CHD1L: variants seen among roughly 807,000 people sequenced by gnomAD.
CHD1L encodes the protein chromodomain helicase DNA binding protein 1 like, also known as ATP-dependent chromatin remodeler CHD1L.
Under a neutral mutation model 115.9 loss-of-function variants are expected in CHD1L, and 118 were observed. The ratio of observed to expected loss-of-function variants is 1.02; its 90% CI spans 0.88 to 1.19. The LOEUF is 1.19. CHD1L is among the 50% of genes most tolerant of loss of function. CHD1L has a pLI of 0.00. For missense variants in CHD1L, 1,179 were observed against 1,065.3 expected, an observed-to-expected ratio of 1.11 and a Z score of -1.49; for synonymous variants, 411 against 387.1, an observed-to-expected ratio of 1.06 and a Z score of -0.72.
the CHD1L span, among the ~76,000 whole-genome samples, chr1:147,220,944 C>CA: frequency 0.64 from 87,274 of 137,172 alleles, 27,348 homozygotes; most frequent in East Asian, 0.71. Flanking sequence ...TTTAAGTTTC[C>CA]AAAAAAAAAA....
At chr1:147,292,192 A>G (rs1054448950) in intron 20 of CHD1L, among the ~76,000 whole-genome samples, 6 of 152,186 alleles carry the variant, frequency 3.9e-5, no homozygotes, top group Non-Finnish European at 8.8e-5. Context: ...CTCCATAAAC[A>G]TTTACTGCAT....
chr1:147,223,696 A>G, the CHD1L span: 1 of 192,030 alleles, frequency 5.2e-6, no homozygotes, highest in East Asian at 1.5e-4. Context: ...TACAGCCCCA[A>G]AGAGACCTCA....
chr1:147,244,681 G>T (rs1202367374), intron 1 of CHD1L, among the ~76,000 whole-genome samples: 1 of 150,884 alleles, frequency 6.6e-6, no homozygotes, highest in Non-Finnish European at 1.5e-5. Context: ...ATTTTTTTGG[G>T]AAATCATAAC....
At chr1:147,286,207 A>G (rs1683063939) in intron 17 of CHD1L, 91 bp from the exon 18 acceptor site, 2 of 1,216,868 alleles carry the variant, frequency 1.6e-6, no homozygotes, top group Admixed American at 2.3e-5. Context: ...TCTACTTGGC[A>G]GATATTGTTT....
intron 20 of CHD1L, among the ~76,000 whole-genome samples, chr1:147,292,459 T>G (rs1553971385): frequency 6.6e-6 from 1 of 152,190 alleles, no homozygotes; most frequent in African/African-American, 2.4e-5. Flanking sequence ...TTAAGAAATT[T>G]CAAAATCAGG....
intron 17 of CHD1L, among the ~76,000 whole-genome samples, chr1:147,285,787 TC>T (rs1402067463): frequency 1.3e-5 from 2 of 152,044 alleles, no homozygotes; most frequent in African/African-American, 4.8e-5. Flanking sequence ...AGCCTCAACT[TC>T]CCATGCTCAG....
chr1:147,240,404 AC>A (rs1664743671), upstream of CHD1L, among the ~76,000 whole-genome samples: 2 of 152,220 alleles, frequency 1.3e-5, no homozygotes, highest in South Asian at 4.1e-4. Flanking sequence ...GGCCGCAGGG[AC>A]CTCTGCCTAG....
At chr1:147,207,165 A>G in the CHD1L span, among the ~76,000 whole-genome samples, 59 of 152,276 alleles carry the variant, frequency 3.9e-4, no homozygotes, top group African/African-American at 1.1e-3. Flanking sequence ...TTTTTCTTAT[A>G]CAATATACAC....
chr1:147,266,021 G>A lies in CHD1L; in HGVS notation c.829G>A (p.Val277Met), dbSNP rs782537728. The A allele has an allele frequency of 3.7e-6, 6 of 1,613,740 alleles. No individual in the cohort carries two copies. Among genetic ancestry groups the A allele is most frequent in the Non-Finnish European group, 3.4e-6 (4 of 1,179,850 alleles). ...AGAGCTTCCCAAGAAGACAGAAGTA[G>A]TGATATACCATGGCATGTCAGCATT... Reference protein sequence around the residue: ...ATELPKKTEVVIYHGMSALQK... With the variant: ...ATELPKKTEVMIYHGMSALQK... The change falls in exon 8 of 23, where the codon GTG (valine) becomes ATG (methionine). Residue 277 changes from valine (V) to methionine (M), a missense_variant. Val to Met is a conservative substitution (Grantham distance 21). Coordinates refer to ENST00000369258, the MANE Select transcript of CHD1L (RefSeq NM_004284.6).
the CHD1L span, among the ~76,000 whole-genome samples, chr1:147,217,265 A>G: frequency 6.6e-6 from 1 of 152,060 alleles, no homozygotes; most frequent in Non-Finnish European, 1.5e-5. Flanking sequence ...GAAAAAGAAA[A>G]AAAAACTTCC....
At chr1:147,224,809 C>G in the CHD1L span, 1 of 1,386,986 alleles carries the variant, frequency 7.2e-7, no homozygotes, top group Non-Finnish European at 1.0e-6. Flanking sequence ...CCGCGCCCGG[C>G]CACCTGACAC....
At chr1:147,209,662 T>C in the CHD1L span, 1 of 152,396 alleles carries the variant, frequency 6.6e-6, no homozygotes, top group Non-Finnish European at 1.5e-5. Context: ...TCCTCTTAAC[T>C]CTGCGAAGCC....
At chr1:147,292,589 G>T (rs587748507) in intron 20 of CHD1L, among the ~76,000 whole-genome samples, 19 of 152,332 alleles carry the variant, frequency 1.2e-4, no homozygotes, top group South Asian at 6.2e-4. Context: ...AGATTTATTT[G>T]CTCATGCTTC....
chr1:147,224,780 G>A, the CHD1L span: 1 of 951,456 alleles, frequency 1.1e-6, no homozygotes, highest in South Asian at 1.4e-5. Flanking sequence ...AAAGTGCTAG[G>A]ATTACAGGCG....
intron 12 of CHD1L, among the ~76,000 whole-genome samples, chr1:147,273,964 T>G (rs1677281121): frequency 1.3e-5 from 2 of 152,238 alleles, no homozygotes; most frequent in African/African-American, 4.8e-5. Flanking sequence ...TGTGGCTTAT[T>G]TATAAAAATC....
chr1:147,277,653 G>A (rs1049867495), intron 14 of CHD1L, among the ~76,000 whole-genome samples: 1 of 152,128 alleles, frequency 6.6e-6, no homozygotes, highest in Non-Finnish European at 1.5e-5. Flanking sequence ...AATGGTGCTA[G>A]GGCAGGCTGT....
chr1:147,215,823 A>G, the CHD1L span: 144 of 1,613,918 alleles, frequency 8.9e-5, 4 homozygotes, highest in South Asian at 1.5e-3. Context: ...GGACCTGGGC[A>G]TTATGCATGA....
intron 6 of CHD1L, 128 bp downstream of exon 6, chr1:147,260,046 C>T (rs1163562515): frequency 1.2e-5 from 8 of 667,136 alleles, no homozygotes; most frequent in Non-Finnish European, 1.8e-5. Context: ...TGCATATGTC[C>T]CCACACATGT....
chr1:147,257,256 A>G (rs1417379495), intron 5 of CHD1L, among the ~76,000 whole-genome samples: 1 of 152,192 alleles, frequency 6.6e-6, no homozygotes, highest in African/African-American at 2.4e-5. Flanking sequence ...TTAATATTCA[A>G]AAATCTTTGT....
Sources: allele counts gnomAD v4.1 joint callset (sites outside exome capture counted in the v4.1 genomes callset), GRCh38; gene constraint gnomAD v4.1.1; transcripts MANE v1.5; gene names NCBI Gene and HGNC (gene_info 2026-07-23, HGNC 2026-07-21).